Variants in ANKFN1 observed in about 807,000 individuals in gnomAD.
ANKFN1 encodes ankyrin repeat and fibronectin type III domain containing 1.
Under a neutral mutation model 108.7 loss-of-function variants are expected in ANKFN1, and 74 were observed. The observed-to-expected ratio is 0.68, with a 90% CI of 0.56 to 0.83. The LOEUF (loss-of-function observed/expected upper bound fraction) is 0.83, where lower values mean the gene tolerates loss of function less well. Among genes scored for constraint, ANKFN1 ranks in the 40% least tolerant of loss-of-function variants. ANKFN1 has a pLI of 0.00. For synonymous variants in ANKFN1, 547 were observed against 516.2 expected, an observed-to-expected ratio of 1.06 and a Z score of -0.81; for missense variants, 1,505 against 1,382.3, an observed-to-expected ratio of 1.09 and a Z score of -1.41.
At chr17:56,167,567 C>T (rs891732450) in intron 1 of ANKFN1, among the ~76,000 whole-genome samples, 1 of 151,882 alleles carries the variant, frequency 6.6e-6, no homozygotes, top group Non-Finnish European at 1.5e-5. Flanking sequence ...GGGTGAGTTA[C>T]CTGACTCCTG....
chr17:56,096,102 T>C (rs7214413), intron 4 of ANKFN1, among the ~76,000 whole-genome samples: 1 of 152,104 alleles, frequency 6.6e-6, no homozygotes, highest in South Asian at 2.1e-4. Context: ...TTAAAGAGAA[T>C]TTATGGACAG....
chr17:56,171,771 T>C (rs943489762), intron 1 of ANKFN1, among the ~76,000 whole-genome samples: 7 of 152,046 alleles, frequency 4.6e-5, no homozygotes, highest in Admixed American at 3.9e-4. Flanking sequence ...CAGGCACAGA[T>C]GAGAAGATAG....
At chr17:56,476,815 G>A (rs1411243434) in intron 15 of ANKFN1, among the ~76,000 whole-genome samples, 2 of 152,128 alleles carry the variant, frequency 1.3e-5, no homozygotes, top group African/African-American at 4.8e-5. Context: ...AATATAAGTA[G>A]TATCATTTTA....
At chr17:56,064,984 C>A (rs1239820911) in intron 4 of ANKFN1, among the ~76,000 whole-genome samples, 1 of 152,192 alleles carries the variant, frequency 6.6e-6, no homozygotes, top group African/African-American at 2.4e-5. Context: ...GCCCGTGGGA[C>A]TCTCAGGTGG....
intron 4 of ANKFN1, among the ~76,000 whole-genome samples, chr17:56,047,351 A>AGGGGGAAAGG (rs551500910): frequency 0.02 from 3,103 of 151,912 alleles, 51 homozygotes; most frequent in Middle Eastern, 0.054. Flanking sequence ...TCTCCAAGAG[A>AGGGGGAAAGG]GGGGGAAAGG....
At chr17:56,101,067 GC>G (rs1033070783) in intron 4 of ANKFN1, among the ~76,000 whole-genome samples, 56 of 152,214 alleles carry the variant, frequency 3.7e-4, no homozygotes, top group African/African-American at 1.3e-3. Flanking sequence ...CCCACTTTCT[GC>G]CGTACGTGGA....
chr17:56,283,286 G>A (rs1369022809), intron 3 of ANKFN1, among the ~76,000 whole-genome samples: 1 of 151,980 alleles, frequency 6.6e-6, no homozygotes, highest in South Asian at 2.1e-4. Flanking sequence ...GATCTCGAGG[G>A]AATGTAAACT....
rs77625557 is a variant in ANKFN1 at position 56,048,802 on chromosome 17, G to A, written c.288+2477G>A. Among the ~76,000 whole-genome samples the A allele has an allele frequency of 7.7e-3, 1,174 of 152,362 alleles. 14 individuals are homozygous for A. Among genetic ancestry groups the A allele is most frequent in the African/African-American group, 0.026 (1,063 of 41,580 alleles). ...CAAGCCCTAGAGCTCAATCCTGGCA[G>A]ATGCCTTGGGGCCTCTGTCTTCCTT... On this transcript the variant is annotated intron_variant, in intron 4 of 12. Transcript: ENST00000635860.
chr17:56,510,899 C>G lies in ANKFN1; in HGVS notation c.3071C>G (p.Thr1024Ser). The G allele has an allele frequency of 6.5e-7, 1 of 1,536,184 alleles. No individual in the cohort carries two copies. Among genetic ancestry groups the G allele is most frequent in the Non-Finnish European group, 8.7e-7 (1 of 1,146,914 alleles). Residue 1024 changes from threonine (T) to serine (S), a missense_variant, in exon 21 of 21, where the codon ACC (threonine) becomes AGC (serine). Coordinates refer to ENST00000682825, the MANE Select transcript of ANKFN1 (RefSeq NM_001370326.1). ...CGCTGGTTGCGCATCCACAGCGAGA[C>G]CCAGTCGCTATCGCTCTCTGAGGGC... ...HHRWLRIHSE[T>S]QSLSLSEGIY...
At chr17:56,365,859 A>G (rs921897964) in intron 6 of ANKFN1, among the ~76,000 whole-genome samples, 3 of 152,160 alleles carry the variant, frequency 2.0e-5, no homozygotes, top group Non-Finnish European at 4.4e-5. Context: ...ATGACACTAA[A>G]CTACTATGTT....
At chr17:56,455,803 G>A (rs2049672864) in intron 11 of ANKFN1, among the ~76,000 whole-genome samples, 1 of 152,206 alleles carries the variant, frequency 6.6e-6, no homozygotes, top group African/African-American at 2.4e-5. Flanking sequence ...TGTACCTGCA[G>A]AGCCTGATGC....
chr17:56,058,714 T>C (rs1250061898), intron 4 of ANKFN1, among the ~76,000 whole-genome samples: 1 of 152,224 alleles, frequency 6.6e-6, no homozygotes, highest in Non-Finnish European at 1.5e-5. Flanking sequence ...GTTAGTTTGC[T>C]GAGGATGATG....
At chr17:56,348,392 T>G (rs1036928025) in intron 4 of ANKFN1, among the ~76,000 whole-genome samples, 1 of 151,952 alleles carries the variant, frequency 6.6e-6, no homozygotes, top group Non-Finnish European at 1.5e-5. Context: ...ATCTAGGAAG[T>G]CTTTTTGTTT....
At chr17:56,133,528 C>CTG (rs10598270) in intron 4 of ANKFN1, among the ~76,000 whole-genome samples, 9,833 of 146,166 alleles carry the variant, frequency 0.067, 313 homozygotes, top group Middle Eastern at 0.12. Context: ...ATGTGTATAC[C>CTG]TGTGTGTGTG....
At position 56,228,030 on chromosome 17, in the gene ANKFN1, C is replaced by T. The variant is rs1171148714; in HGVS notation, c.53+73C>T. ...TCCTAAAGCCTCCTAATCTTTAAGG[C>T]TCCCATCTCACATTGCTGCATTTTT... is the stretch of plus-strand genomic sequence containing the variant. On this transcript the variant is annotated intron_variant, in intron 3 of 20. Transcript: ENST00000682825. 3.9e-6 allele frequency: 5 copies of T among 1,285,298 alleles called. No individual in the cohort carries two copies. In the African/African-American group the frequency reaches 6.0e-5, roughly 16 times the overall value. 79.6% of individuals were successfully genotyped at this position (1,285,298 alleles called of 1,614,324 possible). A position where few individuals can be genotyped will look rare whatever the true frequency, so the allele number is the denominator to read the frequency against.
At chr17:56,222,647 A>G (rs1187684526) in intron 2 of ANKFN1, among the ~76,000 whole-genome samples, 4 of 152,226 alleles carry the variant, frequency 2.6e-5, no homozygotes, top group South Asian at 2.1e-4. Flanking sequence ...TGAAAACTGA[A>G]TAAGGTATCT....
chr17:56,104,901 T>A (rs1905714929), intron 4 of ANKFN1, among the ~76,000 whole-genome samples: 1 of 152,212 alleles, frequency 6.6e-6, no homozygotes, highest in African/African-American at 2.4e-5. Context: ...CATTCAGATA[T>A]GCTTTGCAAA....
Position 56,309,133 on chromosome 17 carries a change from C to A in ANKFN1, c.54-17088C>A, listed in dbSNP as rs139101668. Among the ~76,000 whole-genome samples, 133 of 152,116 alleles carry A rather than the reference C, an allele frequency of 8.7e-4. 2 individuals carry two copies. Among genetic ancestry groups the A allele is most frequent in the African/African-American group, 3.1e-3 (128 of 41,500 alleles). ...TGGAATTTGTGTTAATTCTTTAATT[C>A]TTTTTGGAACGTTTGGTAGAAAATT... is the stretch of plus-strand genomic sequence containing the variant. On this transcript the variant is annotated intron_variant, in intron 3 of 20. Transcript: ENST00000682825.
At chr17:56,204,041 A>G (rs1914294486) in intron 1 of ANKFN1, among the ~76,000 whole-genome samples, 1 of 151,884 alleles carries the variant, frequency 6.6e-6, no homozygotes, top group Admixed American at 6.6e-5. Flanking sequence ...TTTATATTAA[A>G]TTAATTAATT....
Sources: allele counts gnomAD v4.1 joint callset (sites outside exome capture counted in the v4.1 genomes callset), GRCh38; gene constraint gnomAD v4.1.1; transcripts MANE v1.5; gene names NCBI Gene and HGNC (gene_info 2026-07-23, HGNC 2026-07-21).